SEC11A: variants seen among roughly 807,000 people sequenced by gnomAD.
The protein encoded by SEC11A is signal peptidase complex catalytic subunit SEC11A.
In SEC11A, 14 loss-of-function variants were observed where a neutral mutation model predicts 25.6. The observed-to-expected ratio is 0.55, with a 90% confidence interval of 0.36 to 0.85. The LOEUF (loss-of-function observed/expected upper bound fraction) is 0.85. SEC11A is among the 40% of genes least tolerant of loss of function. SEC11A has a pLI of 0.01. For missense variants in SEC11A, 153 were observed against 222.9 expected (o/e 0.69, Z 2.00); for synonymous variants, 83 against 76.4 (o/e 1.09, Z -0.45).
intron 3 of SEC11A, among the ~76,000 whole-genome samples, chr15:84,683,259 T>G (rs1159614912): frequency 6.6e-6 from 1 of 151,396 alleles, no homozygotes; most frequent in Admixed American, 6.6e-5. Context: ...CAATATCAAC[T>G]CCACACATGC....
intron 1 of SEC11A, among the ~76,000 whole-genome samples, chr15:84,712,695 G>A (rs1379501955): frequency 6.6e-6 from 1 of 151,836 alleles, no homozygotes; most frequent in Non-Finnish European, 1.5e-5. Flanking sequence ...CAATCCACCT[G>A]CTCGGCCTCC....
At chr15:84,694,505 A>G (rs1376096940) in intron 1 of SEC11A, among the ~76,000 whole-genome samples, 1 of 152,212 alleles carries the variant, frequency 6.6e-6, no homozygotes, top group Non-Finnish European at 1.5e-5. Flanking sequence ...GTATACACAC[A>G]TACATACAAG....
Position 84,716,105 on chromosome 15 carries a change from G to A in SEC11A, c.-30C>T, listed in dbSNP as rs371046185. On this transcript the variant is annotated 5_prime_UTR_variant, in exon 1 of 6. Coordinates refer to ENST00000268220, the MANE Select transcript of SEC11A (RefSeq NM_014300.4). ...GGGACGGCGAGCAGGACACCGGCAG[G>A]GGAAAGGGCGCGATGACCAGCGGGC... 6.2e-7 allele frequency: 1 copy of A among 1,610,834 alleles called. No individual in the cohort carries two copies. Among genetic ancestry groups the A allele is most frequent in the Non-Finnish European group, 8.5e-7 (1 of 1,177,652 alleles).
chr15:84,701,002 A>G (rs1897922020), intron 1 of SEC11A, among the ~76,000 whole-genome samples: 1 of 150,976 alleles, frequency 6.6e-6, no homozygotes, highest in African/African-American at 2.4e-5. Context: ...AAAAAAAAAA[A>G]AAAATCCAAG....
At chr15:84,680,114 TATAA>T (rs1897247002) in intron 4 of SEC11A, 1 of 503,724 alleles carries the variant, frequency 2.0e-6, no homozygotes, top group South Asian at 3.8e-5. Context: ...TCTTAAGAAA[TATAA>T]ATATAACGCC....
intron 3 of SEC11A, chr15:84,685,797 C>CTTTTTTTT (rs72000042): frequency 1.7e-4 from 15 of 90,778 alleles, no homozygotes; most frequent in African/African-American, 3.5e-4. Flanking sequence ...AAATAAATTT[C>CTTTTTTTT]TTTTTTTTTT....
chr15:84,671,921 C>T (rs1378065122), intron 4 of SEC11A: 1 of 152,156 alleles, frequency 6.6e-6, no homozygotes, highest in Non-Finnish European at 1.5e-5. Context: ...AGGGTACCAT[C>T]GATGTGGGCG....
chr15:84,702,025 C>T (rs986890947), intron 1 of SEC11A, among the ~76,000 whole-genome samples: 8 of 150,814 alleles, frequency 5.3e-5, no homozygotes, highest in African/African-American at 1.9e-4. Flanking sequence ...CGAGATCGTG[C>T]CACTGCACTC....
intron 2 of SEC11A, among the ~76,000 whole-genome samples, chr15:84,691,109 T>C (rs1897593509): frequency 6.7e-6 from 1 of 148,230 alleles, no homozygotes; most frequent in Non-Finnish European, 1.5e-5. Context: ...GGTCTCGCTC[T>C]GTCACCCAGG....
chr15:84,714,073 G>A lies in SEC11A; in HGVS notation c.51+1952C>T, dbSNP rs1412923618. 2.2e-5 allele frequency among the ~76,000 whole-genome samples: 3 copies of A among 138,948 alleles called. No homozygotes were observed. In the East Asian group the frequency reaches 6.7e-4, roughly 31 times the overall value. The allele number at this position is 138,948 out of a possible 152,430, so 91.2% of individuals were successfully genotyped here. A position where few individuals can be genotyped will look rare whatever the true frequency, so the allele number is the denominator to read the frequency against. ...AGTCTCACTCTGTCACCAGGCTGGAGTGCGGTGGCACGATCTCAGCTCACT... is the reference window on the plus strand; with the variant it reads ...AGTCTCACTCTGTCACCAGGCTGGAATGCGGTGGCACGATCTCAGCTCACT... On this transcript the variant is annotated intron_variant, in intron 1 of 5. Coordinates refer to ENST00000268220, the MANE Select transcript of SEC11A (RefSeq NM_014300.4).
chr15:84,676,188 T>C (rs1897127438), intron 4 of SEC11A, among the ~76,000 whole-genome samples: 1 of 152,204 alleles, frequency 6.6e-6, no homozygotes, highest in African/African-American at 2.4e-5. Flanking sequence ...AAAAGTTTTT[T>C]TAAATTATTT....
At position 84,706,537 on chromosome 15, in the gene SEC11A, G is replaced by A. The variant is rs565630805; in HGVS notation, c.51+9488C>T. Among the ~76,000 whole-genome samples, 20 of 152,278 alleles carry A rather than the reference G, an allele frequency of 1.3e-4. No individual in the cohort carries two copies. The South Asian group carries it at 4.1e-3, about 32-fold the overall frequency. ...GACAACCCTTCAATAAAGAAGGGTA[G>A]GTCACCCCATCAGGCAAGAAATTAT... On this transcript the variant is annotated intron_variant, in intron 1 of 5. Coordinates refer to ENST00000268220, the MANE Select transcript of SEC11A (RefSeq NM_014300.4).
chr15:84,685,435 T>G (rs1028378398), intron 3 of SEC11A, among the ~76,000 whole-genome samples: 1 of 149,718 alleles, frequency 6.7e-6, no homozygotes, highest in African/African-American at 2.5e-5. Context: ...TTTTTTTTTT[T>G]TTTTTTTATT....
chr15:84,681,481 TA>T (rs1897281941), intron 3 of SEC11A, among the ~76,000 whole-genome samples: 1 of 151,678 alleles, frequency 6.6e-6, no homozygotes, highest in African/African-American at 2.4e-5. Flanking sequence ...AATACAAAAA[TA>T]AGCTGGGCAT....
At chr15:84,685,305 T>C (rs1490435928) in intron 3 of SEC11A, among the ~76,000 whole-genome samples, 1 of 152,120 alleles carries the variant, frequency 6.6e-6, no homozygotes. Context: ...TTGCCCAGGA[T>C]AGAATAAAGT....
chr15:84,670,109 G>A, intron 5 of SEC11A, 40 bp from the exon 6 acceptor site: 1 of 1,600,676 alleles, frequency 6.2e-7, no homozygotes, highest in South Asian at 1.1e-5. Context: ...GAGAAGCGTT[G>A]AAAAGTTCAG....
At position 84,687,844 on chromosome 15, in the gene SEC11A, T is replaced by C. The variant is rs1274138959; in HGVS notation, c.162-70A>G. 1.2e-5 allele frequency: 16 copies of C among 1,308,540 alleles called. No homozygotes were observed. The South Asian group carries it at 1.8e-4, about 15-fold the overall frequency. The allele number at this position is 1,308,540 out of a possible 1,614,324, so 81.1% of individuals were successfully genotyped here. ...TTAAATGTACTTTCAAAATTAGATA[T>C]TCAACAAAATAAAAAATATCACTTT... On this transcript the variant is annotated intron_variant, in intron 2 of 5. Coordinates refer to ENST00000268220, the MANE Select transcript of SEC11A (RefSeq NM_014300.4).
At chr15:84,684,385 G>C (rs1706960126) in intron 3 of SEC11A, among the ~76,000 whole-genome samples, 1 of 152,096 alleles carries the variant, frequency 6.6e-6, no homozygotes, top group African/African-American at 2.4e-5. Context: ...GAGATCCCCT[G>C]CACATGACCT....
intron 4 of SEC11A, chr15:84,679,305 A>G: frequency 2.6e-6 from 3 of 1,174,774 alleles, no homozygotes; most frequent in Non-Finnish European, 3.4e-6. Flanking sequence ...GGATTATAAA[A>G]GTATTTTTAG....
Sources: gnomAD v4.1 joint callset for allele counts (sites outside exome capture counted in the v4.1 genomes callset) on GRCh38, gnomAD v4.1.1 for gene constraint, MANE v1.5 for transcripts, NCBI Gene and HGNC (gene_info 2026-07-23, HGNC 2026-07-21) for gene names.